Variants in ZNF84 observed in about 807,000 individuals in gnomAD.
The protein encoded by ZNF84 is zinc finger protein HPF2.
ZNF84 carries 12 observed loss-of-function variants against 14.8 expected under a neutral mutation model. The observed-to-expected ratio is 0.81, with a 90% confidence interval of 0.52 to 1.31. The LOEUF is 1.31. Ranked by LOEUF, ZNF84 falls within the 50% of genes most tolerant of loss-of-function variation. ZNF84 has a pLI of 0.00. For missense variants in ZNF84, 859 were observed against 878.6 expected (o/e 0.98, Z 0.28); for synonymous variants, 347 against 291.1 (o/e 1.19, Z -1.96).
In ZNF84 at chr12:133,058,529, G is replaced by A; in HGVS notation, c.1814G>A (p.Arg605Lys). 1 of 1,613,960 alleles carries A rather than the reference G, an allele frequency of 6.2e-7. No homozygotes were observed. Among genetic ancestry groups the A allele is most frequent in the Admixed American group, 1.7e-5 (1 of 59,984 alleles). ...GEKPYECSLC[R>K]KAFFEKSELI... The stretch of plus-strand genomic sequence containing the variant: ...AAACCCTATGAATGCAGTCTTTGTA[G>A]GAAAGCTTTTTTTGAGAAGTCGGAG... The change falls in exon 5 of 5, where the codon AGG becomes AAG. Residue 605 changes from arginine to lysine, a missense_variant. Transcript: ENST00000539354.
chr12:133,053,047 A>G (rs1954098254), intron 4 of ZNF84, among the ~76,000 whole-genome samples: 1 of 152,234 alleles, frequency 6.6e-6, no homozygotes, highest in African/African-American at 2.4e-5. Context: ...TTGAGTCAAG[A>G]AATTTTGAAA....
intron 4 of ZNF84, among the ~76,000 whole-genome samples, chr12:133,054,299 C>A (rs1035643074): frequency 4.6e-5 from 7 of 152,148 alleles, no homozygotes; most frequent in African/African-American, 9.7e-5. Context: ...GTAGGAGGAT[C>A]TCTTGAGCCT....
rs999282724 is a variant in ZNF84, at chr12:133,059,574, G to A, written c.*642G>A. The A allele has an allele frequency of 3.3e-5, 5 of 152,332 alleles. No homozygotes were observed. The East Asian group carries it at 7.7e-4, about 23-fold the overall frequency. The allele number at this position is 152,332 out of a possible 1,614,324, so 9.4% of individuals were successfully genotyped here. A position where few individuals can be genotyped will look rare whatever the true frequency, so the allele number is the denominator to read the frequency against. On this transcript the variant is annotated 3_prime_UTR_variant, in exon 5 of 5. Coordinates refer to ENST00000539354, the MANE Select transcript of ZNF84 (RefSeq NM_001289971.2). Reference sequence around the variant, plus strand: ...TTGAAGTGTGAAGTTTTAAAAATACGTGAATAAATTGGTTATTGAAACATC... The same window carrying A: ...TTGAAGTGTGAAGTTTTAAAAATACATGAATAAATTGGTTATTGAAACATC...
chr12:133,044,044 G>A (rs1435691874), intron 2 of ZNF84, among the ~76,000 whole-genome samples: 3 of 151,770 alleles, frequency 2.0e-5, no homozygotes, highest in East Asian at 1.9e-4. Flanking sequence ...GAGCCACCAC[G>A]CCTGGCCAGG....
At chr12:133,039,424 T>A (rs994388612) in intron 1 of ZNF84, among the ~76,000 whole-genome samples, 1 of 152,244 alleles carries the variant, frequency 6.6e-6, no homozygotes, top group Non-Finnish European at 1.5e-5. Context: ...AATATGACTT[T>A]AGTATTCATG....
At chr12:133,051,150 A>T (rs1396257967) in intron 4 of ZNF84, among the ~76,000 whole-genome samples, 48 of 118,104 alleles carry the variant, frequency 4.1e-4, no homozygotes, top group Non-Finnish European at 7.7e-4. Flanking sequence ...CAGATTTGTA[A>T]TTTGAGAAAC....
chr12:133,043,353 C>T (rs1953918918), intron 2 of ZNF84, among the ~76,000 whole-genome samples: 1 of 152,022 alleles, frequency 6.6e-6, no homozygotes, highest in African/African-American at 2.4e-5. Context: ...TTAGCAGAGA[C>T]GGGGTTTCAC....
At chr12:133,041,894 T>C (rs1193679210) in intron 2 of ZNF84, among the ~76,000 whole-genome samples, 1 of 152,242 alleles carries the variant, frequency 6.6e-6, no homozygotes, top group Non-Finnish European at 1.5e-5. Context: ...ATGAGAGATA[T>C]GCAGTAGTTC....
intron 4 of ZNF84, among the ~76,000 whole-genome samples, chr12:133,053,800 C>T (rs1381648001): frequency 6.6e-6 from 1 of 151,946 alleles, no homozygotes. Context: ...CATATTTCTC[C>T]CTCAGTCTTC....
chr12:133,048,592 A>G (rs556182617), intron 3 of ZNF84, 161 bp from the exon 4 acceptor site: 44 of 531,664 alleles, frequency 8.3e-5, no homozygotes, highest in African/African-American at 5.9e-4. Context: ...ACTAGACCCT[A>G]TTAGCCACCA....
At position 133,057,000 on chromosome 12, in the gene ZNF84, A is replaced by G; in HGVS notation, c.285A>G (p.Gln95=). The G allele has an allele frequency of 4.4e-6, 7 of 1,603,258 alleles. No homozygotes were observed. The highest frequency in any genetic ancestry group is 5.9e-6 in the Non-Finnish European group (7 of 1,176,814). The change falls in exon 5 of 5, where the codon CAA becomes CAG. Residue 95 remains glutamine (Q), a synonymous_variant. Transcript: ENST00000539354. The part of the protein sequence containing the change: ...DGNMMWHQDN[Q]DKLKIIKRGH... ...ACATGATGTGGCACCAGGATAACCAAGACAAGCTTAAAATTATAAAAAGAG... is the reference window on the plus strand; with the variant it reads ...ACATGATGTGGCACCAGGATAACCAGGACAAGCTTAAAATTATAAAAAGAG...
At position 133,048,820 on chromosome 12, in the gene ZNF84, T is replaced by C. The variant is rs1954027739; in HGVS notation, c.210T>C (p.Asp70=). 6 of 1,613,532 alleles carry C rather than the reference T, an allele frequency of 3.7e-6. No individual in the cohort carries two copies. Among genetic ancestry groups the C allele is most frequent in the Admixed American group, 3.3e-5 (2 of 59,984 alleles). Reference sequence around the variant, plus strand: ...AAGGAGAAGAGCCGTGGGTAGGAGATGGAGAAATTCCAAGTTCAGATTCTC... The same window carrying C: ...AAGGAGAAGAGCCGTGGGTAGGAGACGGAGAAATTCCAAGTTCAGATTCTC... ...LEQGEEPWVG[D]GEIPSSDSPE... is the part of the protein sequence containing the mutation. Residue 70 remains aspartate (D), a synonymous_variant, in exon 4 of 5, where the codon GAT becomes GAC. Transcript: ENST00000539354.
intron 4 of ZNF84, among the ~76,000 whole-genome samples, chr12:133,053,422 A>G (rs1371842803): frequency 1.3e-5 from 2 of 152,302 alleles, no homozygotes; most frequent in Non-Finnish European, 1.5e-5. Context: ...TTGAAACGTC[A>G]TAGACATCTC....
chr12:133,050,338 C>T (rs765900183), intron 4 of ZNF84, among the ~76,000 whole-genome samples: 8 of 152,140 alleles, frequency 5.3e-5, no homozygotes, highest in South Asian at 2.1e-4. Flanking sequence ...TCTCTCAGTC[C>T]GGAGGTTTGC....
chr12:133,040,159 T>C (rs1593693289), intron 1 of ZNF84, among the ~76,000 whole-genome samples: 1 of 152,242 alleles, frequency 6.6e-6, no homozygotes, highest in East Asian at 1.9e-4. Context: ...ATTTTTTTTT[T>C]TTTAAACACC....
rs1358403358 is a variant in ZNF84, at chr12:133,061,026, T to A, written c.*2094T>A. ...CAATATTTTCTCCTTTAATTATTGA[T>A]TTTGCAACATTTTGGGAAAGTTGGA... On this transcript the variant is annotated 3_prime_UTR_variant, in exon 5 of 5. Transcript: ENST00000539354. 3 of 152,230 alleles carry A rather than the reference T, an allele frequency of 2.0e-5. No homozygotes were observed. Among genetic ancestry groups the A allele is most frequent in the African/African-American group, 7.2e-5 (3 of 41,456 alleles). 9.4% of individuals were successfully genotyped at this position (152,230 alleles called of 1,614,324 possible).
intron 2 of ZNF84, among the ~76,000 whole-genome samples, chr12:133,043,917 A>G (rs995452949): frequency 4.2e-5 from 6 of 143,068 alleles, no homozygotes; most frequent in African/African-American, 1.7e-4. Context: ...ACACCCAGCT[A>G]ATTCTTGTAT....
Position 133,058,429 on chromosome 12 carries a change from G to A in ZNF84, c.1714G>A (p.Glu572Lys). ...AACTCATACTGGAGAAAAACCGTAT[G>A]AATGCAGGGACTGTGAAAAAGCTTT... ...QRTHTGEKPY[E>K]CRDCEKAFSQ... The change falls in exon 5 of 5, where the codon GAA becomes AAA. Residue 572 changes from glutamate to lysine, a missense_variant. Glu to Lys is a moderately conservative substitution (Grantham distance 56). Coordinates refer to ENST00000539354, the MANE Select transcript of ZNF84 (RefSeq NM_001289971.2). 6.2e-7 allele frequency: 1 copy of A among 1,614,086 alleles called. No individual in the cohort carries two copies. The highest frequency in any genetic ancestry group is 1.1e-5 in the South Asian group (1 of 91,078).
chr12:133,047,283 A>C (rs1953999435), intron 2 of ZNF84, among the ~76,000 whole-genome samples: 1 of 152,082 alleles, frequency 6.6e-6, no homozygotes, highest in African/African-American at 2.4e-5. Flanking sequence ...AGAGCTTGGG[A>C]AGCCTGTGAA....
Sources: gnomAD v4.1 joint callset for allele counts (sites outside exome capture counted in the v4.1 genomes callset) on GRCh38, gnomAD v4.1.1 for gene constraint, MANE v1.5 for transcripts, NCBI Gene and HGNC (gene_info 2026-07-23, HGNC 2026-07-21) for gene names.